The following WASHC5 variants were observed in gnomAD, a reference collection of about 807,000 sequenced individuals.
The protein encoded by WASHC5 is WASH complex subunit 5.
Under a neutral mutation model 150.4 loss-of-function variants are expected in WASHC5, and 101 were observed. The ratio of observed to expected loss-of-function variants is 0.67; its 90% CI spans 0.57 to 0.79. The LOEUF is 0.79. Ranked by LOEUF, WASHC5 falls within the 30% of genes least tolerant of loss-of-function variation. The probability of loss-of-function intolerance (pLI) is 0.00; values close to 1 mark genes in which losing one functional copy is unlikely to be tolerated. For missense variants in WASHC5, 1,195 were observed against 1,396.3 expected, an observed-to-expected ratio of 0.86 and a Z score of 2.30; for synonymous variants, 467 against 491.2, an observed-to-expected ratio of 0.95 and a Z score of 0.65.
At chr8:125,070,736 G>A (rs368793487) in intron 9 of WASHC5, among the ~76,000 whole-genome samples, 16 of 152,362 alleles carry the variant, frequency 1.1e-4, no homozygotes, top group African/African-American at 3.6e-4. Flanking sequence ...TTCAGCCATC[G>A]TGTTCATACT....
At chr8:125,030,983 T>G (rs1266835253) in intron 27 of WASHC5, among the ~76,000 whole-genome samples, 5 of 152,174 alleles carry the variant, frequency 3.3e-5, no homozygotes, top group Admixed American at 1.3e-4. Context: ...TCTGTATGAT[T>G]TCAAAAGGTA....
intron 28 of WASHC5, 115 bp downstream of exon 28, chr8:125,028,505 G>A (rs530827181): frequency 5.6e-6 from 4 of 717,260 alleles, no homozygotes; most frequent in African/African-American, 1.7e-5. Flanking sequence ...GGCGAGAGGC[G>A]CAGAGGCATC....
At chr8:125,055,778 T>C in intron 16 of WASHC5, 107 bp from the exon 17 acceptor site, 2 of 779,026 alleles carry the variant, frequency 2.6e-6, no homozygotes, top group Non-Finnish European at 2.3e-6. Context: ...TGTCCACATA[T>C]TCTGGACAGA....
intron 14 of WASHC5, 104 bp downstream of exon 14, chr8:125,059,118 T>C (rs193201449): frequency 1.4e-5 from 12 of 829,526 alleles, no homozygotes; most frequent in Non-Finnish European, 1.8e-5. Flanking sequence ...TTGAAATTAT[T>C]TACCTTCCTA....
intron 24 of WASHC5, among the ~76,000 whole-genome samples, chr8:125,039,260 G>A (rs1815810956): frequency 6.6e-6 from 1 of 152,172 alleles, no homozygotes; most frequent in Non-Finnish European, 1.5e-5. Context: ...TGAGTGAGAA[G>A]CACAGATTAT....
At chr8:125,080,115 A>G (rs947086561) in intron 5 of WASHC5, among the ~76,000 whole-genome samples, 20 of 152,204 alleles carry the variant, frequency 1.3e-4, no homozygotes, top group African/African-American at 4.6e-4. Flanking sequence ...AGACTTGGAT[A>G]TGACCTGCTA....
chr8:125,077,532 TA>T (rs950123562), intron 6 of WASHC5, among the ~76,000 whole-genome samples: 12 of 152,090 alleles, frequency 7.9e-5, no homozygotes, highest in Non-Finnish European at 1.3e-4. Context: ...AATCACAGCT[TA>T]ACCCTTGTGC....
intron 10 of WASHC5, among the ~76,000 whole-genome samples, chr8:125,066,377 T>C (rs1376622612): frequency 2.0e-5 from 3 of 152,180 alleles, no homozygotes; most frequent in Admixed American, 2.0e-4. Context: ...TGAAGCAAGA[T>C]GAGGATCTGT....
At chr8:125,037,967 G>C (rs1023798829) in intron 25 of WASHC5, among the ~76,000 whole-genome samples, 1 of 152,136 alleles carries the variant, frequency 6.6e-6, no homozygotes, top group Non-Finnish European at 1.5e-5. Context: ...TCAGAAGCAG[G>C]GGCTCTGGTC....
At chr8:125,049,444 G>A (rs762298087) in intron 18 of WASHC5, among the ~76,000 whole-genome samples, 1 of 151,834 alleles carries the variant, frequency 6.6e-6, no homozygotes, top group Non-Finnish European at 1.5e-5. Flanking sequence ...TGTAATCCCA[G>A]CTACTTGGGA....
intron 26 of WASHC5, chr8:125,032,643 T>C (rs528228717): frequency 5.1e-4 from 262 of 514,782 alleles, no homozygotes; most frequent in Non-Finnish European, 8.0e-4. Context: ...ACTGGTTCTT[T>C]TGAATTACTC....
intron 26 of WASHC5, 23 bp from the exon 27 acceptor site, chr8:125,032,417 A>G: frequency 6.2e-7 from 1 of 1,613,250 alleles, no homozygotes; most frequent in Non-Finnish European, 8.5e-7. Context: ...AAGTTGCAAC[A>G]CCATATGAAG....
intron 6 of WASHC5, 125 bp from the exon 7 acceptor site, chr8:125,076,625 T>C (rs1380893403): frequency 2.8e-6 from 3 of 1,054,870 alleles, no homozygotes; most frequent in African/African-American, 1.6e-5. Flanking sequence ...TTCAGGATCC[T>C]GGACACTGGA....
At chr8:125,046,398 T>C (rs967371691) in intron 20 of WASHC5, among the ~76,000 whole-genome samples, 4 of 152,204 alleles carry the variant, frequency 2.6e-5, no homozygotes, top group African/African-American at 9.6e-5. Context: ...TTTAATTAAA[T>C]GAGATTTTCA....
chr8:125,067,521 C>CT (rs1275825810), intron 10 of WASHC5, 71 bp downstream of exon 10: 119 of 1,332,612 alleles, frequency 8.9e-5, no homozygotes, highest in Admixed American at 1.2e-4. Context: ...CAATCCTAGT[C>CT]TTTTTTTTAA....
At chr8:125,059,152 T>G in intron 14 of WASHC5, 70 bp downstream of exon 14, 1 of 1,091,582 alleles carries the variant, frequency 9.2e-7, no homozygotes. Context: ...CTGGGCTGAA[T>G]TAATGAATGA....
chr8:125,026,712 G>A (rs1815387820), intron 28 of WASHC5, among the ~76,000 whole-genome samples: 1 of 152,048 alleles, frequency 6.6e-6, no homozygotes, highest in Non-Finnish European at 1.5e-5. Context: ...TGTATGCACA[G>A]GGTGTGTTTC....
rs547740858 is a variant in WASHC5, at chr8:125,089,988, A to G, written c.-125+1627T>C. 2.6e-4 allele frequency among the ~76,000 whole-genome samples: 39 copies of G among 152,364 alleles called. No homozygotes were observed. The South Asian group carries it at 7.7e-3, about 30-fold the overall frequency. ...TTATATTTAATATACTTTTACTGAA[A>G]TGAACTCACTGCTTGTAATCTGTTT... On this transcript the variant is annotated intron_variant, in intron 1 of 28. Transcript: ENST00000318410.
Position 125,078,827 on chromosome 8 carries a change from G to C in WASHC5, c.622C>G (p.Pro208Ala), listed in dbSNP as rs755448134. ...QPGAKRPSNYPESYFQRVPIN... is the reference protein window; with the variant it reads ...QPGAKRPSNYAESYFQRVPIN... Reference sequence around the variant, plus strand: ...GGCACTCTCTGGAAATAGCTCTCGGGATAGTTGGATGGTCTTTTGGCACCT... The same window carrying C: ...GGCACTCTCTGGAAATAGCTCTCGGCATAGTTGGATGGTCTTTTGGCACCT... Residue 208 changes from proline (P) to alanine (A), a missense_variant, in exon 6 of 29, where the codon CCC (proline) becomes GCC (alanine). Pro to Ala is a conservative substitution (Grantham distance 27). Around this residue, in one of 3 missense-constraint regions of WASHC5, gnomAD observed 997 missense variants for 1,168.1 expected, o/e 0.85. Transcript: ENST00000318410. 1 of 1,613,906 alleles carries C rather than the reference G, an allele frequency of 6.2e-7. No individual in the cohort carries two copies. The highest frequency in any genetic ancestry group is 1.1e-5 in the South Asian group (1 of 91,078).
Sources: allele counts gnomAD v4.1 joint callset (sites outside exome capture counted in the v4.1 genomes callset), GRCh38; gene constraint gnomAD v4.1.1; regional missense constraint gnomAD v4.1.1; transcripts MANE v1.5; gene names NCBI Gene and HGNC (gene_info 2026-07-23, HGNC 2026-07-21).